The following GALNT13 variants were observed in gnomAD, a reference collection of about 807,000 sequenced individuals.
GALNT13 encodes the protein polypeptide N-acetylgalactosaminyltransferase 13.
GALNT13 carries 28 observed loss-of-function variants against 64.2 expected under a neutral mutation model. The ratio of observed to expected loss-of-function variants is 0.44; its 90% CI spans 0.32 to 0.60. The LOEUF (loss-of-function observed/expected upper bound fraction) is 0.60, where lower values mean the gene tolerates loss of function less well. Ranked by LOEUF, GALNT13 falls within the 20% of genes least tolerant of loss-of-function variation. The pLI, the probability that GALNT13 is intolerant of heterozygous loss-of-function variation, is 0.05. For missense variants in GALNT13, 577 were observed against 669.8 expected (o/e 0.86, Z 1.53); for synonymous variants, 214 against 224.6 (o/e 0.95, Z 0.42).
At chr2:153,481,449 A>G in the GALNT13 span, among the ~76,000 whole-genome samples, 1 of 152,190 alleles carries the variant, frequency 6.6e-6, no homozygotes, top group Non-Finnish European at 1.5e-5. Context: ...TCTTTAAGAA[A>G]TGTTGACATT....
the GALNT13 span, among the ~76,000 whole-genome samples, chr2:153,655,714 G>C: frequency 4.6e-5 from 7 of 152,124 alleles, no homozygotes; most frequent in East Asian, 1.4e-3. Flanking sequence ...GATAGAAGCC[G>C]GGACATATAG....
At chr2:154,182,893 G>A (rs776369959) in intron 4 of GALNT13, among the ~76,000 whole-genome samples, 1 of 151,890 alleles carries the variant, frequency 6.6e-6, no homozygotes, top group East Asian at 1.9e-4. Context: ...TGATCATTGT[G>A]TATGGTCTTC....
the GALNT13 span, among the ~76,000 whole-genome samples, chr2:153,677,486 G>A: frequency 6.6e-6 from 1 of 151,840 alleles, no homozygotes; most frequent in Non-Finnish European, 1.5e-5. Flanking sequence ...ACTACCCAAA[G>A]CAATTTATAG....
chr2:154,214,198 C>A (rs749271133), intron 4 of GALNT13, among the ~76,000 whole-genome samples: 1 of 152,176 alleles, frequency 6.6e-6, no homozygotes, highest in Non-Finnish European at 1.5e-5. Flanking sequence ...CACCAATAGT[C>A]AATCCTTTCC....
the GALNT13 span, among the ~76,000 whole-genome samples, chr2:153,464,806 TATATC>T: frequency 2.0e-5 from 3 of 152,114 alleles, no homozygotes; most frequent in African/African-American, 2.4e-5. Context: ...AAATATAAAA[TATATC>T]ATTAAGATAT....
At chr2:153,945,924 T>A (rs1378701066) in intron 3 of GALNT13, among the ~76,000 whole-genome samples, 7 of 152,118 alleles carry the variant, frequency 4.6e-5, no homozygotes, top group African/African-American at 1.2e-4. Context: ...TTTAAAAAAA[T>A]TTGCAAGTGA....
chr2:154,415,158 A>G (rs1488396921), intron 11 of GALNT13, among the ~76,000 whole-genome samples: 1 of 151,848 alleles, frequency 6.6e-6, no homozygotes, highest in South Asian at 2.1e-4. Context: ...ACTCTAATAC[A>G]TAAAATATAT....
At chr2:153,833,927 A>G in the GALNT13 span, among the ~76,000 whole-genome samples, 1 of 152,068 alleles carries the variant, frequency 6.6e-6, no homozygotes, top group Admixed American at 6.6e-5. Context: ...TCTTAGTATA[A>G]TATTGGACAG....
intron 3 of GALNT13, among the ~76,000 whole-genome samples, chr2:154,077,774 G>T (rs1030504882): frequency 1.1e-4 from 17 of 151,460 alleles, no homozygotes; most frequent in Non-Finnish European, 1.3e-4. Flanking sequence ...ATTATTTTTA[G>T]TGTTGAAAAA....
chr2:153,995,482 A>G (rs1406070248), intron 3 of GALNT13, among the ~76,000 whole-genome samples: 1 of 152,096 alleles, frequency 6.6e-6, no homozygotes, highest in East Asian at 1.9e-4. Flanking sequence ...AGATATTCTC[A>G]GTTATTTCAT....
intron 3 of GALNT13, among the ~76,000 whole-genome samples, chr2:154,028,077 A>T (rs17439915): frequency 6.6e-6 from 1 of 152,022 alleles, no homozygotes. Flanking sequence ...CCAAAGGAGG[A>T]TGGTAAACTT....
chr2:153,360,183 C>T, the GALNT13 span, among the ~76,000 whole-genome samples: 1 of 152,190 alleles, frequency 6.6e-6, no homozygotes, highest in Non-Finnish European at 1.5e-5. Context: ...CTGAGAGCCA[C>T]ATGGGGCAGG....
chr2:154,179,743 G>A (rs1345668237), intron 4 of GALNT13, among the ~76,000 whole-genome samples: 1 of 149,264 alleles, frequency 6.7e-6, no homozygotes, highest in Non-Finnish European at 1.5e-5. Flanking sequence ...GAAGCTTCAA[G>A]TACAATTTCA....
the GALNT13 span, among the ~76,000 whole-genome samples, chr2:153,635,859 TG>T: frequency 6.6e-6 from 1 of 152,126 alleles, no homozygotes. Flanking sequence ...TTTTTGTACA[TG>T]TTTAAGAAAA....
At chr2:154,029,909 G>T (rs1173592750) in intron 3 of GALNT13, among the ~76,000 whole-genome samples, 1 of 152,090 alleles carries the variant, frequency 6.6e-6, no homozygotes, top group Admixed American at 6.6e-5. Flanking sequence ...AGCAACAAAA[G>T]TGAAGAATGC....
At chr2:154,295,757 T>C (rs1692886879) in intron 8 of GALNT13, among the ~76,000 whole-genome samples, 1 of 151,956 alleles carries the variant, frequency 6.6e-6, no homozygotes, top group Non-Finnish European at 1.5e-5. Flanking sequence ...CCTAGGCCCA[T>C]GATGAAAGAG....
rs1448986568 is a variant in GALNT13 at position 154,039,885 on chromosome 2, A to G, written c.142+95246A>G. Among the ~76,000 whole-genome samples the G allele has an allele frequency of 2.1e-5, 3 of 140,256 alleles. 1 individual carries two copies. The highest frequency in any genetic ancestry group is 4.9e-5 in the Non-Finnish European group (3 of 61,100). 92.0% of individuals were successfully genotyped at this position (140,256 alleles called of 152,430 possible). ...TAGGGATATTGTATGCTCCATATAT[A>G]TGTACAATTATTATGTGTCAACTAA... On this transcript the variant is annotated intron_variant, in intron 3 of 12. Coordinates refer to ENST00000392825, the MANE Select transcript of GALNT13 (RefSeq NM_052917.4).
At chr2:153,909,860 T>A (rs1688823351) in intron 2 of GALNT13, among the ~76,000 whole-genome samples, 1 of 152,138 alleles carries the variant, frequency 6.6e-6, no homozygotes, top group East Asian at 1.9e-4. Flanking sequence ...TTTTAATCTA[T>A]CCTCATCAAG....
Position 154,450,875 on chromosome 2 carries a change from T to A in GALNT13, c.*324T>A, listed in dbSNP as rs999127390. The A allele has an allele frequency of 5.1e-6, 1 of 195,288 alleles. No individual in the cohort carries two copies. The highest frequency in any genetic ancestry group is 1.0e-5 in the Non-Finnish European group (1 of 95,286). 12.1% of individuals were successfully genotyped at this position (195,288 alleles called of 1,614,324 possible). A position where few individuals can be genotyped will look rare whatever the true frequency, so the allele number is the denominator to read the frequency against. ...AATTGGAGGTTATTTTATTTTTGGT[T>A]GTCATGGTGATTGAAAGAGATAATG... On this transcript the variant is annotated 3_prime_UTR_variant, in exon 13 of 13. Transcript: ENST00000392825.
Sources: allele counts gnomAD v4.1 joint callset (sites outside exome capture counted in the v4.1 genomes callset), GRCh38; gene constraint gnomAD v4.1.1; transcripts MANE v1.5; gene names NCBI Gene and HGNC (gene_info 2026-07-23, HGNC 2026-07-21).